ARHGAP42: variants seen among roughly 807,000 people sequenced by gnomAD.
The protein encoded by ARHGAP42 is Rho GTPase activating protein 42.
Under a neutral mutation model 125.0 loss-of-function variants are expected in ARHGAP42, and 63 were observed. The ratio of observed to expected loss-of-function variants is 0.50; its 90% CI spans 0.41 to 0.62. The LOEUF (loss-of-function observed/expected upper bound fraction) is 0.62, where lower values mean the gene tolerates loss of function less well. ARHGAP42 is among the 20% of genes least tolerant of loss of function. The pLI is 0.00. For missense variants in ARHGAP42, 766 were observed against 1,024.2 expected (o/e 0.75, Z 3.44); for synonymous variants, 339 against 351.0 (o/e 0.97, Z 0.38).
At chr11:100,963,295 T>C (rs1858007048) in intron 16 of ARHGAP42, among the ~76,000 whole-genome samples, 5 of 152,168 alleles carry the variant, frequency 3.3e-5, no homozygotes, top group Admixed American at 3.3e-4. Flanking sequence ...AATAGATAGA[T>C]CAATTTAAAA....
intron 1 of ARHGAP42, among the ~76,000 whole-genome samples, chr11:100,718,446 T>C (rs1861702883): frequency 6.6e-6 from 1 of 152,154 alleles, no homozygotes; most frequent in Admixed American, 6.6e-5. Flanking sequence ...TTTCAGACTT[T>C]TGGAGGAGTA....
At chr11:100,869,915 A>C (rs996699133) in intron 4 of ARHGAP42, among the ~76,000 whole-genome samples, 1 of 152,122 alleles carries the variant, frequency 6.6e-6, no homozygotes, top group Non-Finnish European at 1.5e-5. Flanking sequence ...TTCCCTCAAA[A>C]TTGTATTTTT....
chr11:100,948,570 A>G (rs752155267), intron 11 of ARHGAP42, 35 bp downstream of exon 11: 23 of 1,457,958 alleles, frequency 1.6e-5, no homozygotes, highest in Non-Finnish European at 2.1e-5. Flanking sequence ...TTTAGGTTTT[A>G]TTGTCCTAAT....
chr11:100,690,906 C>T (rs572702897), intron 1 of ARHGAP42, among the ~76,000 whole-genome samples: 14 of 152,200 alleles, frequency 9.2e-5, no homozygotes, highest in African/African-American at 3.4e-4. Flanking sequence ...GGCCAACATC[C>T]ATTATTACGT....
At chr11:100,800,118 C>T (rs1863816628) in intron 3 of ARHGAP42, among the ~76,000 whole-genome samples, 1 of 151,980 alleles carries the variant, frequency 6.6e-6, no homozygotes, top group South Asian at 2.1e-4. Flanking sequence ...CTAGGAATAC[C>T]CAATACTGAA....
chr11:100,983,010 G>T (rs1858581946), intron 22 of ARHGAP42, among the ~76,000 whole-genome samples: 2 of 152,240 alleles, frequency 1.3e-5, no homozygotes, highest in African/African-American at 4.8e-5. Flanking sequence ...AATTAATGAA[G>T]AAGTAAGTTA....
intron 1 of ARHGAP42, among the ~76,000 whole-genome samples, chr11:100,723,997 A>C (rs186866920): frequency 6.6e-6 from 1 of 151,642 alleles, no homozygotes; most frequent in African/African-American, 2.4e-5. Flanking sequence ...TGTTTTTCAA[A>C]CTCTTTTAAC....
chr11:100,956,485 A>G (rs966811055), intron 12 of ARHGAP42, among the ~76,000 whole-genome samples: 35 of 152,136 alleles, frequency 2.3e-4, no homozygotes, highest in African/African-American at 8.4e-4. Flanking sequence ...GAAAATTGCA[A>G]GCCACATACT....
intron 3 of ARHGAP42, among the ~76,000 whole-genome samples, chr11:100,844,027 T>G (rs748344149): frequency 1.4e-4 from 21 of 152,018 alleles, no homozygotes; most frequent in Non-Finnish European, 2.5e-4. Flanking sequence ...CTGGAGGCAT[T>G]GCATTACCTG....
intron 3 of ARHGAP42, among the ~76,000 whole-genome samples, chr11:100,803,685 C>T (rs911876443): frequency 8.5e-5 from 13 of 152,176 alleles, no homozygotes; most frequent in Admixed American, 7.9e-4. Context: ...ACTTTATGCT[C>T]CTCCTTTACC....
At chr11:100,805,717 G>T (rs1237890001) in intron 3 of ARHGAP42, among the ~76,000 whole-genome samples, 1 of 152,154 alleles carries the variant, frequency 6.6e-6, no homozygotes, top group Non-Finnish European at 1.5e-5. Context: ...GGAACTGAAG[G>T]TCCCTTCCCT....
intron 1 of ARHGAP42, 165 bp downstream of exon 1, chr11:100,687,997 G>A: frequency 1.4e-6 from 1 of 731,436 alleles, no homozygotes; most frequent in Non-Finnish European, 2.1e-6. Context: ...TTGTTCTTGA[G>A]GTGTTCTTTA....
intron 4 of ARHGAP42, among the ~76,000 whole-genome samples, chr11:100,889,600 G>T (rs565406721): frequency 6.6e-6 from 1 of 152,288 alleles, no homozygotes; most frequent in South Asian, 2.1e-4. Flanking sequence ...GAGGTTAAAT[G>T]AGTTTTCCCA....
intron 3 of ARHGAP42, among the ~76,000 whole-genome samples, chr11:100,828,494 T>G (rs1472983792): frequency 1.3e-5 from 2 of 152,164 alleles, no homozygotes; most frequent in African/African-American, 4.8e-5. Context: ...TCACCAGATA[T>G]GCTCAAATAT....
chr11:100,790,911 A>G (rs1863548739), intron 2 of ARHGAP42, among the ~76,000 whole-genome samples: 1 of 152,260 alleles, frequency 6.6e-6, no homozygotes, highest in South Asian at 2.1e-4. Context: ...ATTGATAAAT[A>G]AAATACGAGG....
chr11:100,693,042 A>G lies in ARHGAP42; in HGVS notation c.154+5210A>G, dbSNP rs548934497. 3.3e-5 allele frequency among the ~76,000 whole-genome samples: 5 copies of G among 152,340 alleles called. No individual in the cohort carries two copies. In the East Asian group the frequency reaches 9.7e-4, roughly 29 times the overall value. ...AAGAATTAAAAGGGGGAAAAAGGCA[A>G]GTTTACAAAATTTGAGACTTCCCAT... On this transcript the variant is annotated intron_variant, in intron 1 of 23. Coordinates refer to ENST00000298815, the MANE Select transcript of ARHGAP42 (RefSeq NM_152432.4).
At position 100,976,844 on chromosome 11, in the gene ARHGAP42, A is replaced by C. The variant is rs1565303840; in HGVS notation, c.2266A>C (p.Ser756Arg). ...CAAGAGCTACAGTGGATCTATTCAA[A>C]GCTTAACTTCTGTAGGTTCCAAGGA... ...GNKSYSGSIQ[S>R]LTSVGSKETP... The change falls in exon 21 of 24, where the codon AGC (serine) becomes CGC (arginine). Residue 756 changes from serine to arginine, a missense_variant. Physicochemically the swap from Ser to Arg is moderately radical, Grantham distance 110. Transcript: ENST00000298815. 1.7e-5 allele frequency: 26 copies of C among 1,551,064 alleles called. No individual in the cohort carries two copies. The highest frequency in any genetic ancestry group is 2.2e-5 in the Non-Finnish European group (25 of 1,146,840).
At chr11:100,874,973 T>TGCAGTTAA (rs1378514461) in intron 4 of ARHGAP42, among the ~76,000 whole-genome samples, 1 of 152,106 alleles carries the variant, frequency 6.6e-6, no homozygotes, top group Non-Finnish European at 1.5e-5. Flanking sequence ...TTTTCTACCC[T>TGCAGTTAA]GCAGTTAAGG....
intron 23 of ARHGAP42, among the ~76,000 whole-genome samples, chr11:100,987,863 C>T (rs1858725560): frequency 6.6e-6 from 1 of 151,838 alleles, no homozygotes; most frequent in Non-Finnish European, 1.5e-5. Flanking sequence ...GGCGCGGTGA[C>T]TCATGCCTGT....
Sources: gnomAD v4.1 joint callset for allele counts (sites outside exome capture counted in the v4.1 genomes callset) on GRCh38, gnomAD v4.1.1 for gene constraint, MANE v1.5 for transcripts, NCBI Gene and HGNC (gene_info 2026-07-23, HGNC 2026-07-21) for gene names.